The following TRAF5 variants were observed in gnomAD, a reference collection of about 807,000 sequenced individuals.
The protein encoded by TRAF5 is TNF receptor associated factor 5.
TRAF5 carries 48 observed loss-of-function variants against 64.5 expected under a neutral mutation model. The ratio of observed to expected loss-of-function variants is 0.74; its 90% confidence interval spans 0.59 to 0.95. The LOEUF is 0.95. TRAF5 is among the 40% of genes least tolerant of loss of function. The pLI, the probability that TRAF5 is intolerant of heterozygous loss-of-function variation, is 0.00. For missense variants in TRAF5, 545 were observed against 662.8 expected (o/e 0.82, Z 1.95); for synonymous variants, 206 against 240.5 (o/e 0.86, Z 1.33).
chr1:211,359,808 C>A, intron 4 of TRAF5, 104 bp from the exon 5 acceptor site: 1 of 1,415,948 alleles, frequency 7.1e-7, no homozygotes, highest in East Asian at 2.3e-5. Context: ...GCCTTTCTGC[C>A]CAGCTGCCCA....
intron 7 of TRAF5, among the ~76,000 whole-genome samples, chr1:211,363,027 C>T (rs1703236225): frequency 6.6e-6 from 1 of 152,144 alleles, no homozygotes; most frequent in Non-Finnish European, 1.5e-5. Context: ...TGCTCAGTTT[C>T]ACTCCTAAAT....
chr1:211,345,155 G>T (rs1702563724), intron 1 of TRAF5, among the ~76,000 whole-genome samples: 1 of 152,124 alleles, frequency 6.6e-6, no homozygotes, highest in Non-Finnish European at 1.5e-5. Context: ...GACCTCAGGT[G>T]ATCTACCCAC....
rs993676857 is a variant in TRAF5, at chr1:211,356,481, C to T, written c.378+13C>T. 9 of 1,610,890 alleles carry T rather than the reference C, an allele frequency of 5.6e-6. No individual in the cohort carries two copies. Among genetic ancestry groups the T allele is most frequent in the Middle Eastern group, 1.7e-4 (1 of 6,056 alleles). On this transcript the variant is annotated intron_variant, in intron 4 of 10. Coordinates refer to ENST00000261464, the MANE Select transcript of TRAF5 (RefSeq NM_001033910.3). ...GGGCCGGTACCAGGTTGGTATTACT[C>T]ATGAACGATATCTGCTTTTGCCATT... is the stretch of plus-strand genomic sequence containing the variant.
At position 211,326,914 on chromosome 1, in the gene TRAF5, G is replaced by A. The variant is rs945069831; in HGVS notation, c.-2+25G>A. 4 of 984,890 alleles carry A rather than the reference G, an allele frequency of 4.1e-6. No homozygotes were observed. Among genetic ancestry groups the A allele is most frequent in the African/African-American group, 1.8e-5 (1 of 57,138 alleles). The allele number at this position is 984,890 out of a possible 1,614,324, so 61.0% of individuals were successfully genotyped here. A position where few individuals can be genotyped will look rare whatever the true frequency, so the allele number is the denominator to read the frequency against. ...CGTGAGTCCGGCGGGTCGCCGCCCT[G>A]GGCACCCTCGCGACGGAAGGGCCGG... is the stretch of plus-strand genomic sequence containing the variant. On this transcript the variant is annotated intron_variant, in intron 1 of 10. Coordinates refer to ENST00000261464, the MANE Select transcript of TRAF5 (RefSeq NM_001033910.3). The surrounding 1 kb of genome is among the most constrained non-coding windows in gnomAD (Gnocchi z 5.0).
rs1046690 is a variant in TRAF5 at position 211,373,159 on chromosome 1, T to A, written c.*457T>A. On this transcript the variant is annotated 3_prime_UTR_variant, in exon 11 of 11. Transcript: ENST00000261464. ...TATAAGGTAGGCTGTTCCAGTTAAG[T>A]AGTGGGTGATGTAGTTACAAAGATA... 0.12 allele frequency: 18,488 copies of A among 153,298 alleles called. 1,339 individuals are homozygous for A. The highest frequency in any genetic ancestry group is 0.21 in the South Asian group (1,019 of 4,884). The allele number at this position is 153,298 out of a possible 1,614,324, so 9.5% of individuals were successfully genotyped here. A position where few individuals can be genotyped will look rare whatever the true frequency, so the allele number is the denominator to read the frequency against.
intron 1 of TRAF5, among the ~76,000 whole-genome samples, chr1:211,345,397 A>G (rs1391878710): frequency 6.6e-6 from 1 of 151,102 alleles, no homozygotes; most frequent in Non-Finnish European, 1.5e-5. Flanking sequence ...CCTGGTAGTA[A>G]CTGTTCTTCC....
intron 1 of TRAF5, among the ~76,000 whole-genome samples, chr1:211,337,193 G>A (rs970233096): frequency 9.9e-5 from 15 of 152,236 alleles, no homozygotes; most frequent in Non-Finnish European, 2.1e-4. Flanking sequence ...GCAGTAGAAG[G>A]TGGGTCTGCC....
rs749244546 is a variant in TRAF5 at position 211,365,454 on chromosome 1, C to T, written c.775C>T (p.Gln259Ter). 1.2e-6 allele frequency: 2 copies of T among 1,612,600 alleles called. No homozygotes were observed. The highest frequency in any genetic ancestry group is 1.1e-5 in the South Asian group (1 of 90,882). Residue 259 changes from glutamine to a stop codon, truncating the protein, a stop_gained, in exon 8 of 11, where the codon CAA becomes TAA. Coordinates refer to ENST00000261464, the MANE Select transcript of TRAF5 (RefSeq NM_001033910.3). LOFTEE classifies it high-confidence loss of function. ...HMRLVLEKNV[Q>*]LEEQISDLHK... ...GCGTTTGGTTTTAGAAAAGAATGTC[C>T]AATTAGAAGAACAGGTAAATCTTCA...
rs1457545440 is a variant in TRAF5 at position 211,369,449 on chromosome 1, T to C, written c.790-3T>C. 1.3e-6 allele frequency: 2 copies of C among 1,575,006 alleles called. No homozygotes were observed. The highest frequency in any genetic ancestry group is 2.4e-5 in the South Asian group (2 of 82,288). On this transcript the variant is annotated splice_region_variant and splice_polypyrimidine_tract_variant and intron_variant, in intron 8 of 10. Transcript: ENST00000261464. ...TTATTTTTCCTCACGTTCCTGTTAT[T>C]AGATTTCTGACTTACACAAGAGCCT...
At chr1:211,341,935 T>A (rs1702458966) in intron 1 of TRAF5, among the ~76,000 whole-genome samples, 1 of 151,940 alleles carries the variant, frequency 6.6e-6, no homozygotes, top group Admixed American at 6.6e-5. Flanking sequence ...TATCTCAGAG[T>A]GGGGGACATT....
chr1:211,363,748 C>CA (rs895969054), intron 7 of TRAF5, among the ~76,000 whole-genome samples: 3 of 151,688 alleles, frequency 2.0e-5, no homozygotes, highest in Admixed American at 6.6e-5. Flanking sequence ...CTGTCTCTAC[C>CA]AAAAAATACA....
At chr1:211,326,736 G>T, upstream of TRAF5, 5 of 985,704 alleles carry the variant, frequency 5.1e-6, no homozygotes, top group Non-Finnish European at 6.0e-6. This position sits in a 1 kb window ranked among gnomAD's most constrained non-coding sequence, Gnocchi z 5.0. Context: ...CTTCCTGCGC[G>T]TCCGCTCTTC....
At chr1:211,338,920 A>G (rs908918439) in intron 1 of TRAF5, among the ~76,000 whole-genome samples, 1 of 152,216 alleles carries the variant, frequency 6.6e-6, no homozygotes, top group Non-Finnish European at 1.5e-5. Flanking sequence ...AAGGGGTGAC[A>G]CAGGTAAGTG....
chr1:211,346,078 G>A (rs2102730978), intron 1 of TRAF5, among the ~76,000 whole-genome samples: 1 of 152,290 alleles, frequency 6.6e-6, no homozygotes, highest in Middle Eastern at 3.4e-3. Flanking sequence ...GAACTTTTGT[G>A]ATAGCAGGAA....
At chr1:211,346,290 C>A (rs1702605130) in intron 1 of TRAF5, 3 of 886,806 alleles carry the variant, frequency 3.4e-6, no homozygotes, top group Non-Finnish European at 4.1e-6. Context: ...TGCCTTATTT[C>A]TTCTGTCCTT....
At chr1:211,350,390 GAACAAA>G (rs10536055) in intron 1 of TRAF5, among the ~76,000 whole-genome samples, 126,488 of 148,556 alleles carry the variant, frequency 0.85, 55,416 homozygotes, top group Middle Eastern at 0.97. Flanking sequence ...TGTATTAGAA[GAACAAA>G]AACAAAAACA....
intron 9 of TRAF5, 132 bp downstream of exon 9, chr1:211,369,724 C>A: frequency 9.5e-7 from 1 of 1,051,504 alleles, no homozygotes; most frequent in Non-Finnish European, 1.3e-6. Context: ...GTGCAAAGAA[C>A]ACTTGTATAA....
rs540558928 is a variant in TRAF5, at chr1:211,372,086, T to G, written c.1100-42T>G. Reference sequence around the variant, plus strand: ...TTGGGAAAATTTTAAAGATAACTTTTAGGCCTATGGAATCTTTTTTTTTTT... The same window carrying G: ...TTGGGAAAATTTTAAAGATAACTTTGAGGCCTATGGAATCTTTTTTTTTTT... On this transcript the variant is annotated intron_variant, in intron 10 of 10. Coordinates refer to ENST00000261464, the MANE Select transcript of TRAF5 (RefSeq NM_001033910.3). The G allele has an allele frequency of 2.5e-4, 371 of 1,488,898 alleles. 3 individuals are homozygous for G. In the South Asian group the frequency reaches 3.7e-3, roughly 15 times the overall value. The allele number at this position is 1,488,898 out of a possible 1,614,324, so 92.2% of individuals were successfully genotyped here. A position where few individuals can be genotyped will look rare whatever the true frequency, so the allele number is the denominator to read the frequency against.
intron 5 of TRAF5, chr1:211,360,325 G>A (rs1703133502): frequency 1.9e-6 from 1 of 516,438 alleles, no homozygotes; most frequent in East Asian, 3.5e-5. Context: ...AATGCTGGGT[G>A]CTGAGTCACA....
Sources: allele counts gnomAD v4.1 joint callset (sites outside exome capture counted in the v4.1 genomes callset), GRCh38; gene constraint gnomAD v4.1.1; non-coding constraint Gnocchi (gnomAD v3.1); transcripts MANE v1.5; gene names NCBI Gene and HGNC (gene_info 2026-07-23, HGNC 2026-07-21).